NDUFAB1: variants seen among roughly 807,000 people sequenced by gnomAD.
NDUFAB1 encodes the protein acyl carrier protein, mitochondrial.
Under a neutral mutation model 16.1 loss-of-function variants are expected in NDUFAB1, and 5 were observed. The observed-to-expected ratio is 0.31, with a 90% CI of 0.16 to 0.65. The LOEUF (loss-of-function observed/expected upper bound fraction) is 0.65, where lower values mean the gene tolerates loss of function less well. NDUFAB1 is among the 30% of genes least tolerant of loss of function. The pLI, the probability that NDUFAB1 is intolerant of heterozygous loss-of-function variation, is 0.77. For synonymous variants in NDUFAB1, 85 were observed against 78.4 expected (o/e 1.08, Z -0.44); for missense variants, 187 against 205.3 (o/e 0.91, Z 0.54).
chr16:23,584,255 T>TAAAAAAAAAAAAAAAAAAAGAAAAAA (rs1966212816), intron 3 of NDUFAB1, among the ~76,000 whole-genome samples: 1 of 34,064 alleles, frequency 2.9e-5, no homozygotes, highest in African/African-American at 1.0e-4. Context: ...AATGATCAAT[T>TAAAAAAAAAAAAAAAAAAAGAAAAAA]AAAAAAAAAA....
chr16:23,588,261 C>G (rs1966249853), intron 1 of NDUFAB1, among the ~76,000 whole-genome samples: 2 of 150,426 alleles, frequency 1.3e-5, no homozygotes, highest in South Asian at 2.1e-4. Context: ...TCGAGACCAG[C>G]CTGGCCAACA....
At chr16:23,589,065 C>T (rs967151000) in intron 1 of NDUFAB1, among the ~76,000 whole-genome samples, 17 of 152,038 alleles carry the variant, frequency 1.1e-4, no homozygotes, top group Admixed American at 3.9e-4. Context: ...TTTGGGAAGC[C>T]GAAGCAGGCG....
chr16:23,587,120 T>G, intron 2 of NDUFAB1, 77 bp downstream of exon 2: 1 of 1,439,098 alleles, frequency 6.9e-7, no homozygotes, highest in Admixed American at 1.9e-5. Flanking sequence ...TTACTGAGTA[T>G]CTTTCCCTTT....
chr16:23,594,308 A>T (rs1446438233), intron 1 of NDUFAB1, among the ~76,000 whole-genome samples: 1 of 152,270 alleles, frequency 6.6e-6, no homozygotes, highest in East Asian at 1.9e-4. Context: ...ACACTTGATG[A>T]CTTCTAAAAA....
chr16:23,593,726 A>T (rs982844433), intron 1 of NDUFAB1, among the ~76,000 whole-genome samples: 1 of 152,170 alleles, frequency 6.6e-6, no homozygotes, highest in Non-Finnish European at 1.5e-5. Context: ...AGTGATCTGT[A>T]TGTCCAATCA....
chr16:23,595,367 C>T, intron 1 of NDUFAB1: 1 of 355,248 alleles, frequency 2.8e-6, no homozygotes, highest in South Asian at 2.1e-5. Flanking sequence ...ACAGTCGTTC[C>T]TTGGTATTTG....
intron 1 of NDUFAB1, among the ~76,000 whole-genome samples, chr16:23,594,679 G>A (rs1051434899): frequency 6.6e-6 from 1 of 151,750 alleles, no homozygotes; most frequent in Non-Finnish European, 1.5e-5. Flanking sequence ...GTAGAGACGG[G>A]GTTCCACCAT....
In NDUFAB1 at chr16:23,596,198, A is replaced by T. The variant is rs752707353; in HGVS notation, c.93T>A (p.Pro31=). The part of the protein sequence containing the change: ...PRVRMLAVAR[P]LSTALCSAGT... Reference sequence around the variant, plus strand: ...CCGCGGAGCAGAGAGCGGTGCTGAGAGGCCGGGCCACGGCCAGCATCCGGA... The same window carrying T: ...CCGCGGAGCAGAGAGCGGTGCTGAGTGGCCGGGCCACGGCCAGCATCCGGA... The change falls in exon 1 of 5, where the codon CCT becomes CCA. Residue 31 remains proline, a synonymous_variant. Transcript: ENST00000007516. The T allele has an allele frequency of 2.5e-6, 4 of 1,610,584 alleles. No individual in the cohort carries two copies. The South Asian group carries it at 4.4e-5, about 18-fold the overall frequency.
At chr16:23,582,436 A>C in intron 3 of NDUFAB1, 61 bp from the exon 4 acceptor site, 1 of 1,468,744 alleles carries the variant, frequency 6.8e-7, no homozygotes, top group Non-Finnish European at 9.0e-7. Flanking sequence ...TTAGAACTGA[A>C]CACACCTGAC....
intron 1 of NDUFAB1, among the ~76,000 whole-genome samples, chr16:23,590,610 T>C (rs1597055681): frequency 6.6e-6 from 1 of 150,994 alleles, no homozygotes; most frequent in African/African-American, 2.4e-5. Flanking sequence ...TTGATCCTAC[T>C]ACCCTCTCAT....
At chr16:23,581,650 A>G (rs1323117432) in intron 4 of NDUFAB1, among the ~76,000 whole-genome samples, 2 of 152,228 alleles carry the variant, frequency 1.3e-5, no homozygotes, top group Non-Finnish European at 2.9e-5. Context: ...CTAGGTCCCA[A>G]GTAACAAAAG....
In NDUFAB1 at chr16:23,585,231, C is replaced by G. The variant is rs1224652482; in HGVS notation, c.379+105G>C. The G allele has an allele frequency of 2.7e-5, 22 of 819,142 alleles. No individual in the cohort carries two copies. The Middle Eastern group carries it at 6.7e-4, about 25-fold the overall frequency. The allele number at this position is 819,142 out of a possible 1,614,324, so 50.7% of individuals were successfully genotyped here. A position where few individuals can be genotyped will look rare whatever the true frequency, so the allele number is the denominator to read the frequency against. On this transcript the variant is annotated intron_variant, in intron 3 of 4. Coordinates refer to ENST00000007516, the MANE Select transcript of NDUFAB1 (RefSeq NM_005003.3). ...TGAAGGGCAGTGGATGCTACTGTTT[C>G]TATTAATATTTAATTCTAATTCCAA... is the stretch of plus-strand genomic sequence containing the variant.
chr16:23,589,592 A>G (rs2142236213), intron 1 of NDUFAB1, among the ~76,000 whole-genome samples: 1 of 152,332 alleles, frequency 6.6e-6, no homozygotes, highest in Non-Finnish European at 1.5e-5. Flanking sequence ...GCAATGGCAG[A>G]AAAGAAATTT....
intron 1 of NDUFAB1, among the ~76,000 whole-genome samples, chr16:23,593,951 GCT>G (rs773957226): frequency 6.6e-6 from 1 of 151,838 alleles, no homozygotes; most frequent in Non-Finnish European, 1.5e-5. Context: ...CACGATCTCG[GCT>G]CACTGAAAGC....
At chr16:23,581,626 C>T (rs1966180555) in intron 4 of NDUFAB1, among the ~76,000 whole-genome samples, 1 of 151,630 alleles carries the variant, frequency 6.6e-6, no homozygotes, top group South Asian at 2.1e-4. Flanking sequence ...TTCAAAAAGT[C>T]TTATTTGATT....
At chr16:23,581,866 C>CT (rs1966182474) in intron 4 of NDUFAB1, 1 of 152,976 alleles carries the variant, frequency 6.5e-6, no homozygotes, top group African/African-American at 2.4e-5. Flanking sequence ...ACTTGGGTGT[C>CT]TCTGACTCCA....
chr16:23,584,964 C>T (rs1311556932), intron 3 of NDUFAB1, among the ~76,000 whole-genome samples: 1 of 152,222 alleles, frequency 6.6e-6, no homozygotes, highest in African/African-American at 2.4e-5. Context: ...ATTACTTCTA[C>T]CTGGTTCGCG....
chr16:23,588,213 G>A (rs1955768487), intron 1 of NDUFAB1, among the ~76,000 whole-genome samples: 1 of 152,194 alleles, frequency 6.6e-6, no homozygotes, highest in African/African-American at 2.4e-5. Context: ...ACAACACTTT[G>A]GGAGGCCACG....
In NDUFAB1 at chr16:23,590,638, C is replaced by CTTTTTTTTTTTT. The variant is rs398042088; in HGVS notation, c.169-3331_169-3320dup. 5.3e-5 allele frequency among the ~76,000 whole-genome samples: 7 copies of CTTTTTTTTTTTT among 131,834 alleles called. 1 individual carries two copies. Among genetic ancestry groups the CTTTTTTTTTTTT allele is most frequent in the African/African-American group, 2.0e-4 (7 of 34,736 alleles). The allele number at this position is 131,834 out of a possible 152,430, so 86.5% of individuals were successfully genotyped here. ...CCTCTCATGCTCCTGCCTCTGGTCT[C>CTTTTTTTTTTTT]TTTTTTTTTTTTTTTTCAGACAGAG... On this transcript the variant is annotated intron_variant, in intron 1 of 4. Transcript: ENST00000007516.
Sources: gnomAD v4.1 joint callset for allele counts (sites outside exome capture counted in the v4.1 genomes callset) on GRCh38, gnomAD v4.1.1 for gene constraint, MANE v1.5 for transcripts, NCBI Gene and HGNC (gene_info 2026-07-23, HGNC 2026-07-21) for gene names.